ALPK3: variants seen among roughly 807,000 people sequenced by gnomAD.
ALPK3 encodes alpha-protein kinase 3.
Under a neutral mutation model 140.0 loss-of-function variants are expected in ALPK3, and 102 were observed. The observed-to-expected ratio is 0.73, with a 90% confidence interval of 0.62 to 0.86. The LOEUF is 0.86. Ranked by LOEUF, ALPK3 falls within the 40% of genes least tolerant of loss-of-function variation. The probability of loss-of-function intolerance (pLI) is 0.00; values close to 1 mark genes in which losing one functional copy is unlikely to be tolerated. For missense variants in ALPK3, 2,254 were observed against 2,208.2 expected (o/e 1.02, Z -0.42); for synonymous variants, 938 against 898.5 (o/e 1.04, Z -0.79).
chr15:84,842,454 A>T (rs567831906), intron 5 of ALPK3, among the ~76,000 whole-genome samples: 1 of 152,176 alleles, frequency 6.6e-6, no homozygotes, highest in Non-Finnish European at 1.5e-5. Context: ...GAATGGCTTC[A>T]TGGGGGAACA....
chr15:84,860,980 C>T (rs1963938464), intron 9 of ALPK3, among the ~76,000 whole-genome samples: 1 of 152,176 alleles, frequency 6.6e-6, no homozygotes, highest in African/African-American at 2.4e-5. Context: ...CCTTGGCCTC[C>T]CAAAGTGCCA....
intron 5 of ALPK3, among the ~76,000 whole-genome samples, chr15:84,850,915 C>CACACACACACA (rs1567092270): frequency 4.0e-5 from 6 of 149,948 alleles, no homozygotes; most frequent in South Asian, 2.1e-4. Context: ...CACACACACA[C>CACACACACACA]CCTCTGTCAT....
intron 5 of ALPK3, among the ~76,000 whole-genome samples, chr15:84,848,271 G>A (rs1187735478): frequency 6.6e-6 from 1 of 151,802 alleles, no homozygotes; most frequent in East Asian, 1.9e-4. Flanking sequence ...TACATTGCTG[G>A]AGTTTTTTTA....
chr15:84,859,131 G>A, intron 6 of ALPK3, 112 bp from the exon 7 acceptor site: 1 of 1,441,514 alleles, frequency 6.9e-7, no homozygotes, highest in South Asian at 1.4e-5. Flanking sequence ...AGGTCTGTGT[G>A]GAGACTTGAA....
intron 1 of ALPK3, among the ~76,000 whole-genome samples, chr15:84,822,170 CTG>C (rs1567085880): frequency 4.6e-5 from 7 of 152,098 alleles, no homozygotes; most frequent in Non-Finnish European, 1.5e-5. Context: ...AGGGTCTAGA[CTG>C]TAGTGCAACA....
intron 3 of ALPK3, among the ~76,000 whole-genome samples, chr15:84,833,898 T>A (rs1963570583): frequency 6.6e-6 from 1 of 152,124 alleles, no homozygotes; most frequent in Non-Finnish European, 1.5e-5. Context: ...GGCAGCCTAC[T>A]GTCTCCAGCA....
intron 1 of ALPK3, among the ~76,000 whole-genome samples, chr15:84,818,085 A>G (rs1963383071): frequency 2.6e-5 from 4 of 151,988 alleles, no homozygotes; most frequent in Admixed American, 2.0e-4. Flanking sequence ...AACCTTTGTA[A>G]ATAAGGTTCC....
chr15:84,844,468 A>T (rs1963706099), intron 5 of ALPK3, among the ~76,000 whole-genome samples: 1 of 152,240 alleles, frequency 6.6e-6, no homozygotes, highest in African/African-American at 2.4e-5. Flanking sequence ...ATTATTAGAC[A>T]TGAATTATAA....
rs1052431072 is a variant in ALPK3 at position 84,856,375 on chromosome 15, T to G, written c.1654-17T>G. On this transcript the variant is annotated splice_polypyrimidine_tract_variant and intron_variant, in intron 5 of 13. Coordinates refer to ENST00000258888, the MANE Select transcript of ALPK3 (RefSeq NM_020778.5). ...GTCCATGTAGTTAAATCCTTGCTTT[T>G]GTCCCTCTGTTTTCAGGTCCTGGAA... is the stretch of plus-strand genomic sequence containing the variant. The G allele has an allele frequency of 6.4e-7, 1 of 1,570,762 alleles. No homozygotes were observed. The highest frequency in any genetic ancestry group is 1.9e-5 in the Admixed American group (1 of 52,612).
At chr15:84,820,916 G>A (rs1963414817) in intron 1 of ALPK3, among the ~76,000 whole-genome samples, 1 of 152,160 alleles carries the variant, frequency 6.6e-6, no homozygotes, top group South Asian at 2.1e-4. Context: ...GAGCCACTGT[G>A]CTCAGTCCTA....
chr15:84,841,984 T>C (rs1336513230), intron 5 of ALPK3, among the ~76,000 whole-genome samples: 1 of 152,264 alleles, frequency 6.6e-6, no homozygotes, highest in Admixed American at 6.5e-5. Flanking sequence ...GGTTATTTAT[T>C]TGAAGTCCCA....
intron 3 of ALPK3, among the ~76,000 whole-genome samples, chr15:84,836,806 T>C (rs1963601856): frequency 6.6e-6 from 1 of 152,100 alleles, no homozygotes; most frequent in Non-Finnish European, 1.5e-5. Context: ...AGGACAGAAT[T>C]AGGACCTCCT....
intron 5 of ALPK3, among the ~76,000 whole-genome samples, chr15:84,844,728 A>G (rs1963709227): frequency 6.6e-6 from 1 of 152,130 alleles, no homozygotes; most frequent in Non-Finnish European, 1.5e-5. Flanking sequence ...GTGGTGATGC[A>G]CATCTGTAAT....
chr15:84,856,761 C>T lies in ALPK3; in HGVS notation c.2023C>T (p.Gln675Ter). 6.2e-7 allele frequency: 1 copy of T among 1,614,060 alleles called. No homozygotes were observed. The highest frequency in any genetic ancestry group is 8.5e-7 in the Non-Finnish European group (1 of 1,180,010). Residue 675 changes from glutamine to a stop codon, truncating the protein, a stop_gained, in exon 6 of 14, where the codon CAG becomes TAG. Transcript: ENST00000258888. LOFTEE classifies it high-confidence loss of function. ...GGCAGAGACACAGCTAGAAACAACA[C>T]AGGCAGGTGAGAAGATACAGGAAGA... is the stretch of plus-strand genomic sequence containing the variant. ...GRAETQLETT[Q>*]AGEKIQEDRK...
rs780843840 is a variant in ALPK3, at chr15:84,859,882, G to A, written c.4072G>A (p.Asp1358Asn). The change falls in exon 8 of 14, where the codon GAC (aspartate) becomes AAC (asparagine). Residue 1358 changes from aspartate to asparagine, a missense_variant. Asp to Asn is a conservative substitution (Grantham distance 23). This residue lies in a region of ALPK3 where 2,088 missense variants were observed against 2,022.9 expected (regional missense o/e 1.03). Coordinates refer to ENST00000258888, the MANE Select transcript of ALPK3 (RefSeq NM_020778.5). ...IHNEHGSASTDFCLSPEVLSG... is the reference protein window; with the variant it reads ...IHNEHGSASTNFCLSPEVLSG... ...CAATGAGCACGGCTCGGCCTCCACC[G>A]ACTTCTGCCTCAGCCCTGAGGGTGA... 5.4e-5 allele frequency: 87 copies of A among 1,613,916 alleles called. No homozygotes were observed. The South Asian group carries it at 8.7e-4, about 16-fold the overall frequency.
intron 5 of ALPK3, among the ~76,000 whole-genome samples, chr15:84,848,143 A>G (rs998103089): frequency 1.1e-4 from 17 of 152,138 alleles, no homozygotes; most frequent in African/African-American, 4.1e-4. Flanking sequence ...AGGAAACTTG[A>G]AACATCAAGA....
In ALPK3 at chr15:84,869,885, GTC is replaced by G. The variant is rs1964048760; in HGVS notation, c.*1430_*1431del. On this transcript the variant is annotated 3_prime_UTR_variant, in exon 14 of 14. Transcript: ENST00000258888. ...ATTTTGGTTCCTGGACCGAAGTTCA[GTC>G]GCAGCCTTCTGTGGCCACAGAAAGA... 6.6e-6 allele frequency: 1 copy of G among 152,506 alleles called. No homozygotes were observed. The highest frequency in any genetic ancestry group is 1.5e-5 in the Non-Finnish European group (1 of 68,058). The allele number at this position is 152,506 out of a possible 1,614,324, so 9.4% of individuals were successfully genotyped here.
In ALPK3 at chr15:84,857,804, C is replaced by T. The variant is rs1376410547; in HGVS notation, c.3066C>T (p.His1022=). The T allele has an allele frequency of 1.2e-6, 2 of 1,611,400 alleles. No homozygotes were observed. The highest frequency in any genetic ancestry group is 1.7e-6 in the Non-Finnish European group (2 of 1,178,314). ...RRILERVENN[H]LVQSAQTLLL... ...TCCTGGAGCGTGTGGAGAACAACCA[C>T]CTGGTGCAGAGTGCACAGACCCTGC... Residue 1022 remains histidine, a synonymous_variant, in exon 6 of 14, where the codon CAC becomes CAT. Transcript: ENST00000258888.
At chr15:84,828,817 C>G (rs540913780) in intron 3 of ALPK3, among the ~76,000 whole-genome samples, 1 of 152,174 alleles carries the variant, frequency 6.6e-6, no homozygotes, top group East Asian at 1.9e-4. Context: ...GAGGCTGATG[C>G]GTTGCCAAAG....
Sources: allele counts gnomAD v4.1 joint callset (sites outside exome capture counted in the v4.1 genomes callset), GRCh38; gene constraint gnomAD v4.1.1; regional missense constraint gnomAD v4.1.1; transcripts MANE v1.5; gene names NCBI Gene and HGNC (gene_info 2026-07-23, HGNC 2026-07-21).